Variants in TMCC1 observed in about 807,000 individuals in gnomAD.
TMCC1 encodes the protein transmembrane and coiled-coil domains protein 1.
Under a neutral mutation model 52.4 loss-of-function variants are expected in TMCC1, and 15 were observed. The ratio of observed to expected loss-of-function variants is 0.29; its 90% CI spans 0.19 to 0.44. The LOEUF (loss-of-function observed/expected upper bound fraction) is 0.44. Among genes scored for constraint, TMCC1 ranks in the 20% least tolerant of loss-of-function variants. The pLI is 1.00. For missense variants in TMCC1, 503 were observed against 806.0 expected (o/e 0.62, Z 4.55); for synonymous variants, 279 against 301.9 (o/e 0.92, Z 0.79).
intron 1 of TMCC1, among the ~76,000 whole-genome samples, chr3:129,884,770 A>T (rs955302482): frequency 2.0e-5 from 3 of 151,420 alleles, no homozygotes; most frequent in Admixed American, 6.6e-5. Flanking sequence ...TCTTTGAGAT[A>T]AAAAAAAATG....
At chr3:129,797,799 T>C (rs1560441365) in intron 4 of TMCC1, among the ~76,000 whole-genome samples, 1 of 152,106 alleles carries the variant, frequency 6.6e-6, no homozygotes, top group African/African-American at 2.4e-5. Context: ...AGAAAGAAGG[T>C]TGAACATATC....
chr3:129,859,739 T>C (rs1293473068), intron 2 of TMCC1, among the ~76,000 whole-genome samples: 1 of 152,132 alleles, frequency 6.6e-6, no homozygotes, highest in East Asian at 1.9e-4. Flanking sequence ...TTTTGACTTT[T>C]TTGTTCTAAT....
At chr3:129,851,876 G>A (rs764483196) in intron 2 of TMCC1, among the ~76,000 whole-genome samples, 4 of 152,156 alleles carry the variant, frequency 2.6e-5, no homozygotes, top group Non-Finnish European at 4.4e-5. Flanking sequence ...ATTGCCAGGC[G>A]TGGTGGCTCA....
chr3:129,702,246 ATTG>A (rs1219768775), intron 4 of TMCC1, among the ~76,000 whole-genome samples: 2 of 145,778 alleles, frequency 1.4e-5, no homozygotes, highest in Non-Finnish European at 3.0e-5. Flanking sequence ...CTGGTCCCCA[ATTG>A]TTTTTTTTTT....
At chr3:129,669,797 A>G (rs920845249) in intron 5 of TMCC1, among the ~76,000 whole-genome samples, 25 of 152,124 alleles carry the variant, frequency 1.6e-4, no homozygotes, top group Non-Finnish European at 2.2e-4. Flanking sequence ...AAAGCACTTA[A>G]CCCTTTGAGA....
intron 4 of TMCC1, among the ~76,000 whole-genome samples, chr3:129,717,438 C>T (rs1408336298): frequency 6.6e-6 from 1 of 152,162 alleles, no homozygotes; most frequent in Non-Finnish European, 1.5e-5. Context: ...TCCCTAATTA[C>T]ATTTTCTGCC....
At chr3:129,732,253 C>T (rs2050601878) in intron 4 of TMCC1, among the ~76,000 whole-genome samples, 5 of 152,020 alleles carry the variant, frequency 3.3e-5, no homozygotes, top group Admixed American at 2.6e-4. Flanking sequence ...ATTTTACTGG[C>T]GAGAACTTCA....
chr3:129,814,892 C>G (rs1407250265), intron 4 of TMCC1, among the ~76,000 whole-genome samples: 1 of 152,044 alleles, frequency 6.6e-6, no homozygotes, highest in Non-Finnish European at 1.5e-5. Flanking sequence ...TCAGAGCTCC[C>G]AAGTACATGA....
intron 2 of TMCC1, among the ~76,000 whole-genome samples, chr3:129,833,565 G>A (rs2059020928): frequency 6.6e-6 from 1 of 152,002 alleles, no homozygotes; most frequent in Non-Finnish European, 1.5e-5. Context: ...GCGAGACCCT[G>A]TCTCAATTTT....
intron 5 of TMCC1, among the ~76,000 whole-genome samples, chr3:129,667,220 T>TAAAAAA (rs1202933776): frequency 1.2e-5 from 1 of 85,822 alleles, no homozygotes; most frequent in Non-Finnish European, 2.3e-5. Context: ...CCCTGACTCT[T>TAAAAAA]AAAAAAAAAA....
intron 4 of TMCC1, among the ~76,000 whole-genome samples, chr3:129,748,419 C>T (rs1033557144): frequency 8.5e-5 from 13 of 152,194 alleles, no homozygotes; most frequent in South Asian, 6.2e-4. Context: ...TCCCAAGTAG[C>T]GGGGATTACA....
intron 5 of TMCC1, among the ~76,000 whole-genome samples, chr3:129,667,041 A>G (rs544427701): frequency 4.4e-4 from 67 of 151,616 alleles, no homozygotes; most frequent in African/African-American, 1.4e-3. Flanking sequence ...AACTGGGACT[A>G]CAGGCGCATG....
chr3:129,723,402 T>A (rs369769742), intron 4 of TMCC1, among the ~76,000 whole-genome samples: 2 of 44,054 alleles, frequency 4.5e-5, no homozygotes, highest in African/African-American at 8.1e-5. Flanking sequence ...CCATCAAGAA[T>A]TTTTTTTTTT....
At chr3:129,667,932 A>G (rs1013654129) in intron 5 of TMCC1, among the ~76,000 whole-genome samples, 1 of 152,202 alleles carries the variant, frequency 6.6e-6, no homozygotes, top group Non-Finnish European at 1.5e-5. Flanking sequence ...CATACCTGTA[A>G]TCCCAGCACT....
At chr3:129,863,110 G>A (rs947485920) in intron 2 of TMCC1, among the ~76,000 whole-genome samples, 2 of 152,134 alleles carry the variant, frequency 1.3e-5, no homozygotes, top group Admixed American at 6.5e-5. Flanking sequence ...AAGGGACATA[G>A]GGAATTACTA....
intron 4 of TMCC1, among the ~76,000 whole-genome samples, chr3:129,698,400 G>A (rs939453123): frequency 6.6e-6 from 1 of 152,172 alleles, no homozygotes; most frequent in Non-Finnish European, 1.5e-5. Context: ...CACGACACAT[G>A]GGGATTATGG....
chr3:129,718,355 T>C (rs990297547), intron 4 of TMCC1, among the ~76,000 whole-genome samples: 3 of 152,206 alleles, frequency 2.0e-5, no homozygotes, highest in Non-Finnish European at 4.4e-5. Flanking sequence ...GAGTGAAGTA[T>C]TGCAAGTATC....
At chr3:129,760,185 T>G (rs925442779) in intron 4 of TMCC1, among the ~76,000 whole-genome samples, 13 of 152,108 alleles carry the variant, frequency 8.5e-5, no homozygotes, top group Admixed American at 2.0e-4. Context: ...TTACAAGAGA[T>G]AAATCAAAAC....
chr3:129,656,123 G>A (rs891260698), intron 5 of TMCC1, among the ~76,000 whole-genome samples: 1 of 152,226 alleles, frequency 6.6e-6, no homozygotes, highest in Non-Finnish European at 1.5e-5. Flanking sequence ...TTAGGAAAAC[G>A]AGTCTTCTCA....
Sources: allele counts gnomAD v4.1 joint callset (sites outside exome capture counted in the v4.1 genomes callset), GRCh38; gene constraint gnomAD v4.1.1; transcripts MANE v1.5; gene names NCBI Gene and HGNC (gene_info 2026-07-23, HGNC 2026-07-21).